Variants in AKAP13 observed in about 807,000 individuals in gnomAD.
AKAP13 encodes A-kinase anchor protein 13.
Under a neutral mutation model 264.5 loss-of-function variants are expected in AKAP13, and 80 were observed. That is an observed-to-expected ratio of 0.30 (90% CI 0.25 to 0.36). The LOEUF (loss-of-function observed/expected upper bound fraction) is 0.36, where lower values mean the gene tolerates loss of function less well. AKAP13 is among the 10% of genes least tolerant of loss of function. The pLI, the probability that AKAP13 is intolerant of heterozygous loss-of-function variation, is 1.00. For missense variants in AKAP13, 3,712 were observed against 3,435.2 expected (o/e 1.08, Z -2.01); for synonymous variants, 1,380 against 1,250.2 (o/e 1.10, Z -2.19).
intron 5 of AKAP13, among the ~76,000 whole-genome samples, chr15:85,569,436 A>G (rs1401986639): frequency 6.9e-6 from 1 of 145,942 alleles, no homozygotes. Context: ...TCAGATCAAC[A>G]TATTTTTTTC....
chr15:85,432,183 T>G (rs924515914), intron 1 of AKAP13, among the ~76,000 whole-genome samples: 2 of 152,146 alleles, frequency 1.3e-5, no homozygotes, highest in African/African-American at 4.8e-5. Context: ...AATTCTAACC[T>G]CATTCCTAAC....
At chr15:85,680,955 C>T (rs1453816895) in intron 14 of AKAP13, among the ~76,000 whole-genome samples, 1 of 152,118 alleles carries the variant, frequency 6.6e-6, no homozygotes, top group East Asian at 1.9e-4. Flanking sequence ...GTAGCTGGGA[C>T]TACAGGCATG....
At chr15:85,459,760 A>G (rs538508703) in intron 1 of AKAP13, among the ~76,000 whole-genome samples, 1 of 152,162 alleles carries the variant, frequency 6.6e-6, no homozygotes, top group East Asian at 1.9e-4. Flanking sequence ...CAGCCTCCCA[A>G]AGTGCTGGGA....
At chr15:85,548,803 A>G (rs1349293596) in intron 5 of AKAP13, among the ~76,000 whole-genome samples, 1 of 151,982 alleles carries the variant, frequency 6.6e-6, no homozygotes, top group Non-Finnish European at 1.5e-5. Flanking sequence ...AGATTGGAGA[A>G]TTGTAGTTAG....
chr15:85,656,088 G>C (rs1207492115), intron 11 of AKAP13, among the ~76,000 whole-genome samples: 1 of 151,974 alleles, frequency 6.6e-6, no homozygotes, highest in Non-Finnish European at 1.5e-5. Context: ...TTAGTAAATG[G>C]GAATGTTTAT....
chr15:85,598,052 G>A (rs544645123), intron 8 of AKAP13, among the ~76,000 whole-genome samples: 20 of 152,140 alleles, frequency 1.3e-4, no homozygotes, highest in Admixed American at 7.9e-4. Flanking sequence ...GGAAAATGTC[G>A]TATGTTCAGT....
intron 1 of AKAP13, among the ~76,000 whole-genome samples, chr15:85,469,719 T>C (rs1040697598): frequency 1.3e-5 from 2 of 152,242 alleles, no homozygotes; most frequent in Non-Finnish European, 2.9e-5. Flanking sequence ...ACAGAGAATC[T>C]TAAAATACTA....
At chr15:85,488,802 G>A (rs2075644392) in intron 2 of AKAP13, among the ~76,000 whole-genome samples, 1 of 152,194 alleles carries the variant, frequency 6.6e-6, no homozygotes, top group South Asian at 2.1e-4. Flanking sequence ...AGCCCTGCTG[G>A]CACCTTGATT....
chr15:85,616,128 C>T (rs528737612), intron 8 of AKAP13, among the ~76,000 whole-genome samples: 1 of 152,148 alleles, frequency 6.6e-6, no homozygotes, highest in Non-Finnish European at 1.5e-5. Context: ...AGCCCTACCC[C>T]TATCCCCACA....
At chr15:85,443,625 A>G (rs1158552865) in intron 1 of AKAP13, among the ~76,000 whole-genome samples, 1 of 152,232 alleles carries the variant, frequency 6.6e-6, no homozygotes. Context: ...GAAAAGGTAC[A>G]GTATAAATAC....
intron 8 of AKAP13, among the ~76,000 whole-genome samples, chr15:85,590,238 A>G (rs1416420518): frequency 6.6e-6 from 1 of 152,192 alleles, no homozygotes; most frequent in Non-Finnish European, 1.5e-5. Flanking sequence ...AGTATGGTAA[A>G]TTTATGGCAG....
At chr15:85,545,713 G>A (rs746099326) in intron 5 of AKAP13, among the ~76,000 whole-genome samples, 4 of 152,174 alleles carry the variant, frequency 2.6e-5, no homozygotes, top group Non-Finnish European at 4.4e-5. Context: ...GAAAGGGGGC[G>A]ATTGTCCCAA....
At chr15:85,611,398 G>A (rs553537998) in intron 8 of AKAP13, among the ~76,000 whole-genome samples, 1 of 152,180 alleles carries the variant, frequency 6.6e-6, no homozygotes, top group South Asian at 2.1e-4. Flanking sequence ...GCTGCATTCC[G>A]CCCTTTACCT....
intron 4 of AKAP13, among the ~76,000 whole-genome samples, chr15:85,542,256 C>A (rs933101971): frequency 6.6e-6 from 1 of 152,194 alleles, no homozygotes; most frequent in African/African-American, 2.4e-5. Context: ...GGGGCATAAT[C>A]TTTCCAGCCA....
chr15:85,515,776 T>C (rs2076579546), intron 2 of AKAP13, among the ~76,000 whole-genome samples: 1 of 138,284 alleles, frequency 7.2e-6, no homozygotes, highest in South Asian at 2.2e-4. Context: ...CTGTAAGTGA[T>C]GCTGTGTCCT....
At chr15:85,659,161 G>C (rs1474581182) in intron 12 of AKAP13, among the ~76,000 whole-genome samples, 2 of 152,158 alleles carry the variant, frequency 1.3e-5, no homozygotes, top group Non-Finnish European at 2.9e-5. Context: ...ATTAGTATTT[G>C]TCAGGTAATA....
At chr15:85,703,797 C>G (rs921977811) in intron 17 of AKAP13, among the ~76,000 whole-genome samples, 1 of 150,272 alleles carries the variant, frequency 6.7e-6, no homozygotes, top group African/African-American at 2.4e-5. Context: ...GAGCCAAGAT[C>G]GTACCACTGC....
chr15:85,699,420 C>T (rs976724630), intron 17 of AKAP13, among the ~76,000 whole-genome samples: 5 of 150,566 alleles, frequency 3.3e-5, no homozygotes, highest in South Asian at 2.1e-4. Flanking sequence ...CTTTAGCGTG[C>T]GCAACAAGAG....
At position 85,483,478 on chromosome 15, in the gene AKAP13, T is replaced by C. The variant is rs986925222; in HGVS notation, c.-11-2232T>C. Among the ~76,000 whole-genome samples, 10 of 150,328 alleles carry C rather than the reference T, an allele frequency of 6.7e-5. 1 individual carries two copies. The highest frequency in any genetic ancestry group is 7.5e-5 in the African/African-American group (3 of 39,758). ...CGTCTCTACTAAATATACAAAAAATTAGCCGGTTGCGGTGGCGGGCGCCTG... is the reference window on the plus strand; with the variant it reads ...CGTCTCTACTAAATATACAAAAAATCAGCCGGTTGCGGTGGCGGGCGCCTG... On this transcript the variant is annotated intron_variant, in intron 1 of 36. Coordinates refer to ENST00000394518, the MANE Select transcript of AKAP13 (RefSeq NM_007200.5).
Sources: allele counts gnomAD v4.1 joint callset (sites outside exome capture counted in the v4.1 genomes callset), GRCh38; gene constraint gnomAD v4.1.1; transcripts MANE v1.5; gene names NCBI Gene and HGNC (gene_info 2026-07-23, HGNC 2026-07-21).